Variants in SYNPR observed in about 807,000 individuals in gnomAD.
SYNPR encodes the protein synaptoporin.
SYNPR carries 23 observed loss-of-function variants against 32.9 expected under a neutral mutation model. That is an observed-to-expected ratio of 0.70 (90% CI 0.50 to 0.99). SYNPR has a LOEUF of 0.99. Ranked by LOEUF, SYNPR falls within the 50% of genes least tolerant of loss-of-function variation. The pLI is 0.00. For missense variants in SYNPR, 318 were observed against 349.3 expected, an observed-to-expected ratio of 0.91 and a Z score of 0.71; for synonymous variants, 146 against 135.9, an observed-to-expected ratio of 1.07 and a Z score of -0.52.
At chr3:63,547,203 T>C (rs769164572) in intron 3 of SYNPR, among the ~76,000 whole-genome samples, 2 of 152,180 alleles carry the variant, frequency 1.3e-5, no homozygotes, top group African/African-American at 4.8e-5. Flanking sequence ...GATAGATTGA[T>C]CCTTGTCACC....
intron 2 of SYNPR, among the ~76,000 whole-genome samples, chr3:63,353,286 G>A (rs569390646): frequency 1.3e-5 from 2 of 152,344 alleles, no homozygotes; most frequent in East Asian, 3.9e-4. Context: ...GGAGTAAGGG[G>A]TTGCTATCAG....
At chr3:63,265,241 C>CTTTTTTTTGTTT (rs2086474810) in intron 2 of SYNPR, among the ~76,000 whole-genome samples, 1 of 102,214 alleles carries the variant, frequency 9.8e-6, no homozygotes, top group Non-Finnish European at 1.9e-5. Context: ...TAATGACATT[C>CTTTTTTTTGTTT]TTTTTTTTTT....
At chr3:63,208,910 C>T in the SYNPR span, among the ~76,000 whole-genome samples, 1 of 152,140 alleles carries the variant, frequency 6.6e-6, no homozygotes, top group Admixed American at 6.5e-5. Flanking sequence ...TACTACTTCC[C>T]TCAAAGGTTT....
chr3:63,224,981 G>T (rs141397133), upstream of SYNPR, among the ~76,000 whole-genome samples: 131 of 152,308 alleles, frequency 8.6e-4, no homozygotes, highest in African/African-American at 3.0e-3. Flanking sequence ...AGCCTGTCCT[G>T]CTATGTTCTT....
intron 2 of SYNPR, among the ~76,000 whole-genome samples, chr3:63,395,485 C>T (rs9834062): frequency 0.12 from 18,048 of 152,144 alleles, 1,382 homozygotes; most frequent in African/African-American, 0.21. Flanking sequence ...GCACTTTATA[C>T]ACAGTATCCT....
chr3:63,284,753 G>A (rs187512522), intron 2 of SYNPR, among the ~76,000 whole-genome samples: 124 of 152,106 alleles, frequency 8.2e-4, no homozygotes, highest in African/African-American at 2.2e-3. Flanking sequence ...GAAATGTGTC[G>A]TCATAACATA....
At position 63,342,938 on chromosome 3, in the gene SYNPR, T is replaced by C. The variant is rs978052300; in HGVS notation, c.84+64196T>C. ...AGTATTCCTTATTCTTTTGTATGTGTTTTTAAATAATGATAAATTATGTTG... is the reference window on the plus strand; with the variant it reads ...AGTATTCCTTATTCTTTTGTATGTGCTTTTAAATAATGATAAATTATGTTG... On this transcript the variant is annotated intron_variant, in intron 2 of 5. Transcript: ENST00000478300. Among the ~76,000 whole-genome samples the C allele has an allele frequency of 2.6e-5, 4 of 152,306 alleles. No individual in the cohort carries two copies. The East Asian group carries it at 7.7e-4, about 29-fold the overall frequency.
chr3:63,271,826 T>C (rs920183771), intron 3 of SYNPR, among the ~76,000 whole-genome samples: 1 of 152,090 alleles, frequency 6.6e-6, no homozygotes, highest in Non-Finnish European at 1.5e-5. Context: ...ATTTAATCTA[T>C]AGTTTTAGGA....
At chr3:63,584,555 C>T (rs1270013116) in intron 4 of SYNPR, among the ~76,000 whole-genome samples, 3 of 151,930 alleles carry the variant, frequency 2.0e-5, no homozygotes, top group South Asian at 4.2e-4. Context: ...GGGGAAGATG[C>T]TATGTGTATT....
chr3:63,294,093 A>G (rs561837954), intron 2 of SYNPR, among the ~76,000 whole-genome samples: 12 of 152,254 alleles, frequency 7.9e-5, no homozygotes, highest in African/African-American at 2.6e-4. Flanking sequence ...TAATGTCTAT[A>G]TGTGATTATG....
chr3:63,331,204 A>C (rs1242596476), intron 2 of SYNPR, among the ~76,000 whole-genome samples: 1 of 152,170 alleles, frequency 6.6e-6, no homozygotes, highest in Non-Finnish European at 1.5e-5. Flanking sequence ...CAACACACTG[A>C]TCCAGGCAAC....
chr3:63,544,874 T>TCA (rs10640275), intron 3 of SYNPR, among the ~76,000 whole-genome samples: 2,984 of 150,766 alleles, frequency 0.02, 103 homozygotes, highest in African/African-American at 0.066. Context: ...CATTCAAACT[T>TCA]CACACACACA....
At chr3:63,343,547 G>A (rs530541901) in intron 2 of SYNPR, among the ~76,000 whole-genome samples, 62 of 152,252 alleles carry the variant, frequency 4.1e-4, no homozygotes, top group African/African-American at 1.4e-3. Context: ...GGTAAGGACT[G>A]GGTACAACCC....
At chr3:63,326,067 A>G (rs2087163221) in intron 2 of SYNPR, among the ~76,000 whole-genome samples, 1 of 151,996 alleles carries the variant, frequency 6.6e-6, no homozygotes, top group African/African-American at 2.4e-5. Flanking sequence ...CTCTGCTTGA[A>G]TGAGGATGAG....
At chr3:63,434,008 G>A (rs1244082604) in intron 2 of SYNPR, among the ~76,000 whole-genome samples, 1 of 152,076 alleles carries the variant, frequency 6.6e-6, no homozygotes. Flanking sequence ...GAGCAGAGTG[G>A]GGAGAGTGCT....
At chr3:63,386,012 G>C (rs1181248231) in intron 2 of SYNPR, among the ~76,000 whole-genome samples, 3 of 152,226 alleles carry the variant, frequency 2.0e-5, no homozygotes, top group African/African-American at 7.2e-5. Flanking sequence ...TGAATAGCTA[G>C]ATGTTTATTC....
At chr3:63,531,496 C>T (rs1227509084) in intron 3 of SYNPR, among the ~76,000 whole-genome samples, 1 of 152,168 alleles carries the variant, frequency 6.6e-6, no homozygotes, top group East Asian at 1.9e-4. Context: ...TTACATCTGT[C>T]ACATTAGGTT....
intron 1 of SYNPR, among the ~76,000 whole-genome samples, chr3:63,250,291 A>G (rs1003840948): frequency 6.6e-6 from 1 of 152,138 alleles, no homozygotes; most frequent in African/African-American, 2.4e-5. Context: ...TCTCATGCAT[A>G]TGTACAATTA....
intron 2 of SYNPR, among the ~76,000 whole-genome samples, chr3:63,477,249 A>G (rs531962863): frequency 1.3e-5 from 2 of 152,182 alleles, no homozygotes; most frequent in East Asian, 3.9e-4. Flanking sequence ...CTGTGTCTTG[A>G]TGTATTCCAA....
Sources: allele counts gnomAD v4.1 joint callset (sites outside exome capture counted in the v4.1 genomes callset), GRCh38; gene constraint gnomAD v4.1.1; transcripts MANE v1.5; gene names NCBI Gene and HGNC (gene_info 2026-07-23, HGNC 2026-07-21).